Variants in OXR1 observed in about 807,000 individuals in gnomAD.
The protein encoded by OXR1 is oxidation resistance 1.
Under a neutral mutation model 104.6 loss-of-function variants are expected in OXR1, and 41 were observed. The ratio of observed to expected loss-of-function variants is 0.39; its 90% confidence interval spans 0.31 to 0.51. The LOEUF (loss-of-function observed/expected upper bound fraction) is 0.51. Ranked by LOEUF, OXR1 falls within the 20% of genes least tolerant of loss-of-function variation. OXR1 has a pLI of 0.77. For missense variants in OXR1, 955 were observed against 1,031.9 expected, an observed-to-expected ratio of 0.93 and a Z score of 1.02; for synonymous variants, 348 against 348.4, an observed-to-expected ratio of 1.00 and a Z score of 0.01.
intron 3 of OXR1, among the ~76,000 whole-genome samples, chr8:106,565,241 C>T (rs1387117239): frequency 6.6e-6 from 1 of 152,074 alleles, no homozygotes; most frequent in Admixed American, 6.6e-5. Context: ...TTGTCTCATC[C>T]CTAAAACTCC....
At chr8:106,712,675 C>T (rs1250199476) in intron 10 of OXR1, among the ~76,000 whole-genome samples, 1 of 151,882 alleles carries the variant, frequency 6.6e-6, no homozygotes, top group Non-Finnish European at 1.5e-5. Context: ...TTCCCTTTTC[C>T]CACTCCACCA....
intron 11 of OXR1, among the ~76,000 whole-genome samples, chr8:106,731,103 A>G (rs1833848524): frequency 6.6e-6 from 1 of 152,042 alleles, no homozygotes; most frequent in South Asian, 2.1e-4. Context: ...TTTAATTTGC[A>G]TTTCCCTGGT....
At chr8:106,631,041 A>C (rs1822641924) in intron 3 of OXR1, among the ~76,000 whole-genome samples, 1 of 152,230 alleles carries the variant, frequency 6.6e-6, no homozygotes, top group African/African-American at 2.4e-5. Flanking sequence ...CATGTCAAAT[A>C]CTCATTCAAT....
chr8:106,446,676 A>C (rs1015752575), intron 2 of OXR1, among the ~76,000 whole-genome samples: 1 of 151,968 alleles, frequency 6.6e-6, no homozygotes, highest in African/African-American at 2.4e-5. Context: ...CATGCCTGCT[A>C]TTACAGCTCT....
intron 2 of OXR1, among the ~76,000 whole-genome samples, chr8:106,374,600 T>G (rs571998498): frequency 6.6e-6 from 1 of 152,356 alleles, no homozygotes; most frequent in African/African-American, 2.4e-5. Flanking sequence ...GTTCAAACTA[T>G]TAATTATAGA....
chr8:106,282,505 AACT>A (rs1310139052), intron 1 of OXR1, among the ~76,000 whole-genome samples: 2 of 152,194 alleles, frequency 1.3e-5, no homozygotes, highest in African/African-American at 4.8e-5. Flanking sequence ...TCAAAAACTT[AACT>A]ACTAATAGCC....
chr8:106,272,968 A>T (rs1453330111), intron 1 of OXR1: 4 of 152,202 alleles, frequency 2.6e-5, no homozygotes, highest in African/African-American at 4.8e-5. Flanking sequence ...TTAGGGTATC[A>T]TATAAAAGCA....
intron 2 of OXR1, among the ~76,000 whole-genome samples, chr8:106,452,046 C>T (rs745895860): frequency 9.9e-5 from 15 of 152,036 alleles, no homozygotes; most frequent in Non-Finnish European, 2.2e-4. Context: ...AGAGGCTAGC[C>T]GACATATTGT....
intron 2 of OXR1, among the ~76,000 whole-genome samples, chr8:106,491,097 G>A (rs1485891087): frequency 1.3e-5 from 2 of 152,088 alleles, no homozygotes; most frequent in Non-Finnish European, 2.9e-5. Flanking sequence ...TCGACGCTCC[G>A]CTCAATATGC....
At chr8:106,663,818 C>T (rs901988605) in intron 3 of OXR1, among the ~76,000 whole-genome samples, 2 of 152,204 alleles carry the variant, frequency 1.3e-5, no homozygotes, top group Admixed American at 1.3e-4. Context: ...CCCCATCCCC[C>T]ACCCCTTGCC....
chr8:106,339,557 A>ATATATATAT, intron 1 of OXR1, among the ~76,000 whole-genome samples: 1 of 125,170 alleles, frequency 8.0e-6, no homozygotes, highest in Non-Finnish European at 1.7e-5. Context: ...TATATATATA[A>ATATATATAT]AACGAAATCA....
At chr8:106,383,874 A>G (rs1438978981) in intron 2 of OXR1, among the ~76,000 whole-genome samples, 1 of 152,208 alleles carries the variant, frequency 6.6e-6, no homozygotes, top group Non-Finnish European at 1.5e-5. Context: ...TAGAATGAGA[A>G]AAACTTGGCA....
At chr8:106,640,217 T>C (rs1223808987) in intron 3 of OXR1, among the ~76,000 whole-genome samples, 1 of 152,040 alleles carries the variant, frequency 6.6e-6, no homozygotes, top group Non-Finnish European at 1.5e-5. Flanking sequence ...ATAGTTCATA[T>C]TTATTAAAGA....
intron 11 of OXR1, among the ~76,000 whole-genome samples, chr8:106,719,242 G>A (rs1832604165): frequency 6.6e-6 from 1 of 152,136 alleles, no homozygotes; most frequent in African/African-American, 2.4e-5. Flanking sequence ...GTGCTCTAAT[G>A]GCATTTTAAC....
intron 3 of OXR1, among the ~76,000 whole-genome samples, chr8:106,676,929 G>C (rs1214316493): frequency 6.6e-6 from 1 of 151,982 alleles, no homozygotes; most frequent in Non-Finnish European, 1.5e-5. Context: ...AAACTTTAAA[G>C]TGTAGAAAGT....
chr8:106,422,380 A>T (rs1586627760), intron 2 of OXR1, among the ~76,000 whole-genome samples: 1 of 152,190 alleles, frequency 6.6e-6, no homozygotes, highest in East Asian at 1.9e-4. Flanking sequence ...AACGTGAAAA[A>T]AAGTTAATTC....
intron 9 of OXR1, among the ~76,000 whole-genome samples, chr8:106,709,031 A>G (rs1831437331): frequency 6.6e-6 from 1 of 152,118 alleles, no homozygotes; most frequent in Admixed American, 6.6e-5. Context: ...GTTCTATAAA[A>G]GATTTAATAT....
intron 3 of OXR1, among the ~76,000 whole-genome samples, chr8:106,628,149 G>C (rs1052877773): frequency 3.3e-5 from 5 of 151,958 alleles, no homozygotes; most frequent in Admixed American, 1.3e-4. Flanking sequence ...GGTCTTTCAG[G>C]GTTTCTAACC....
At chr8:106,440,470 G>A (rs1819740397) in intron 2 of OXR1, among the ~76,000 whole-genome samples, 1 of 152,036 alleles carries the variant, frequency 6.6e-6, no homozygotes, top group Non-Finnish European at 1.5e-5. Context: ...AAACTATTTG[G>A]TATGTAGTTA....
Sources: allele counts gnomAD v4.1 joint callset (sites outside exome capture counted in the v4.1 genomes callset), GRCh38; gene constraint gnomAD v4.1.1; transcripts MANE v1.5; gene names NCBI Gene and HGNC (gene_info 2026-07-23, HGNC 2026-07-21).